SCHIP1: variants seen among roughly 807,000 people sequenced by gnomAD.
SCHIP1 encodes the protein schwannomin interacting protein 1, also known as schwannomin-interacting protein 1.
Under a neutral mutation model 29.7 loss-of-function variants are expected in SCHIP1, and 8 were observed. That is an observed-to-expected ratio of 0.27 (90% CI 0.16 to 0.49). SCHIP1 has a LOEUF of 0.49. SCHIP1 is among the 20% of genes least tolerant of loss of function. The pLI, the probability that SCHIP1 is intolerant of heterozygous loss-of-function variation, is 0.99. For synonymous variants in SCHIP1, 76 were observed against 94.9 expected (o/e 0.80, Z 1.16); for missense variants, 193 against 294.6 (o/e 0.66, Z 2.52).
the SCHIP1 span, among the ~76,000 whole-genome samples, chr3:159,332,086 C>T: frequency 6.6e-6 from 1 of 152,306 alleles, no homozygotes; most frequent in East Asian, 1.9e-4. Context: ...TGCTTGCTCA[C>T]ATTTCTTAGC....
chr3:159,844,540 C>T (rs1021354528), intron 1 of SCHIP1, among the ~76,000 whole-genome samples: 1 of 152,208 alleles, frequency 6.6e-6, no homozygotes, highest in Non-Finnish European at 1.5e-5. Flanking sequence ...ATAGAGCTAT[C>T]GACCTCCATT....
At chr3:159,355,261 A>G in the SCHIP1 span, among the ~76,000 whole-genome samples, 1 of 152,158 alleles carries the variant, frequency 6.6e-6, no homozygotes, top group Non-Finnish European at 1.5e-5. Context: ...AAGAGTTTAA[A>G]GAAATGAGCA....
chr3:159,713,257 A>AAGG, the SCHIP1 span, among the ~76,000 whole-genome samples: 19 of 151,046 alleles, frequency 1.3e-4, 1 homozygote, highest in South Asian at 3.8e-3. Flanking sequence ...AGAAAGAAAG[A>AAGG]AAGAAAGAAA....
the SCHIP1 span, among the ~76,000 whole-genome samples, chr3:159,281,141 A>G: frequency 2.6e-4 from 40 of 152,308 alleles, no homozygotes; most frequent in African/African-American, 8.9e-4. Context: ...GCTATTGCTT[A>G]TGCAAAAGTC....
At chr3:159,350,766 G>A in the SCHIP1 span, among the ~76,000 whole-genome samples, 1 of 152,058 alleles carries the variant, frequency 6.6e-6, no homozygotes, top group Non-Finnish European at 1.5e-5. Flanking sequence ...CTGGTGGCAA[G>A]AGCAGCAATA....
chr3:159,470,816 G>GAT, the SCHIP1 span, among the ~76,000 whole-genome samples: 244 of 150,418 alleles, frequency 1.6e-3, no homozygotes, highest in East Asian at 0.02. Context: ...ATGAAGTATT[G>GAT]ATATATATAT....
At chr3:159,697,527 C>T in the SCHIP1 span, among the ~76,000 whole-genome samples, 1 of 152,130 alleles carries the variant, frequency 6.6e-6, no homozygotes, top group Non-Finnish European at 1.5e-5. Flanking sequence ...TCTCCAGGGT[C>T]TGATACTGTT....
At chr3:159,361,404 G>C in the SCHIP1 span, among the ~76,000 whole-genome samples, 3 of 152,274 alleles carry the variant, frequency 2.0e-5, no homozygotes, top group African/African-American at 7.2e-5. Context: ...TTAAGGAAGA[G>C]CAAGAAGGTC....
Position 159,861,688 on chromosome 3 carries a change from G to A in SCHIP1, c.31-4475G>A, listed in dbSNP as rs1577450520. 2.0e-5 allele frequency among the ~76,000 whole-genome samples: 3 copies of A among 152,162 alleles called. No homozygotes were observed. Among genetic ancestry groups the A allele is most frequent in the East Asian group, 1.9e-4 (1 of 5,192 alleles). On this transcript the variant is annotated intron_variant, in intron 1 of 6. Coordinates refer to ENST00000445224, the Ensembl canonical transcript of SCHIP1. The surrounding 1 kb of genome is among the most constrained non-coding windows in gnomAD (Gnocchi z 4.1). The stretch of plus-strand genomic sequence containing the variant: ...TAGCTTTTCTGCCTGATAGTGATGA[G>A]CCCTGTTCCTCAGTTGCCCTTTGTT...
At chr3:159,609,688 G>A in the SCHIP1 span, among the ~76,000 whole-genome samples, 3 of 152,100 alleles carry the variant, frequency 2.0e-5, no homozygotes, top group East Asian at 1.9e-4. Flanking sequence ...AGAAGCAGCC[G>A]CTTAAAACCT....
At chr3:159,769,521 A>G in the SCHIP1 span, among the ~76,000 whole-genome samples, 1 of 152,138 alleles carries the variant, frequency 6.6e-6, no homozygotes, top group Non-Finnish European at 1.5e-5. Context: ...AGGCCAAGGC[A>G]GGCGGATCAC....
chr3:159,690,113 A>C, the SCHIP1 span, among the ~76,000 whole-genome samples: 4 of 152,190 alleles, frequency 2.6e-5, no homozygotes, highest in South Asian at 8.3e-4. Context: ...GGCCTCAAAA[A>C]ATGAGTTAGG....
chr3:159,507,120 G>C, the SCHIP1 span, among the ~76,000 whole-genome samples: 1 of 152,116 alleles, frequency 6.6e-6, no homozygotes, highest in Non-Finnish European at 1.5e-5. Context: ...TCTTCCATTT[G>C]TTTGTATCCT....
the SCHIP1 span, among the ~76,000 whole-genome samples, chr3:159,832,003 T>C: frequency 1.1e-4 from 16 of 152,338 alleles, no homozygotes; most frequent in African/African-American, 3.8e-4. Flanking sequence ...CACACGTTTA[T>C]GAGTTTCATC....
chr3:159,441,170 C>T, the SCHIP1 span, among the ~76,000 whole-genome samples: 3,784 of 152,208 alleles, frequency 0.025, 173 homozygotes, highest in African/African-American at 0.086. Context: ...CACACACACT[C>T]GCACATACAC....
the SCHIP1 span, among the ~76,000 whole-genome samples, chr3:159,674,291 C>T: frequency 6.6e-6 from 1 of 152,102 alleles, no homozygotes. Context: ...CAAACTGTGG[C>T]TAGAAGGGTC....
the SCHIP1 span, among the ~76,000 whole-genome samples, chr3:159,602,390 C>A: frequency 1.3e-5 from 2 of 152,214 alleles, no homozygotes; most frequent in South Asian, 4.2e-4. Context: ...GAACCAGAAT[C>A]CAGATCTTAT....
chr3:159,395,373 G>A, the SCHIP1 span, among the ~76,000 whole-genome samples: 7 of 152,216 alleles, frequency 4.6e-5, no homozygotes, highest in South Asian at 1.5e-3. Flanking sequence ...TTTTGAATGT[G>A]TTTCCTCTTG....
the SCHIP1 span, among the ~76,000 whole-genome samples, chr3:159,771,515 G>A: frequency 6.6e-6 from 1 of 152,138 alleles, no homozygotes; most frequent in East Asian, 1.9e-4. Flanking sequence ...AAATTACCAG[G>A]GTGAAATGTA....
Sources: allele counts gnomAD v4.1 joint callset (sites outside exome capture counted in the v4.1 genomes callset), GRCh38; gene constraint gnomAD v4.1.1; non-coding constraint Gnocchi (gnomAD v3.1); transcripts MANE v1.5; gene names NCBI Gene and HGNC (gene_info 2026-07-23, HGNC 2026-07-21).